Variants in P2RY8 observed in about 807,000 individuals in gnomAD.
P2RY8 encodes the protein S-geranylgeranyl-glutathione receptor P2RY8.
P2RY8 carries 6 observed loss-of-function variants against 10.0 expected under a neutral mutation model. The ratio of observed to expected loss-of-function variants is 0.60; its 90% CI spans 0.33 to 1.19. P2RY8 has a LOEUF of 1.19. Ranked by LOEUF, P2RY8 falls within the 50% of genes most tolerant of loss-of-function variation. The probability of loss-of-function intolerance (pLI) is 0.04; values close to 1 mark genes in which losing one functional copy is unlikely to be tolerated. For missense variants in P2RY8, 456 were observed against 542.0 expected (o/e 0.84, Z 1.58); for synonymous variants, 276 against 252.5 (o/e 1.09, Z -0.88).
At chrX:1,488,439 C>A (rs1233174928) in intron 1 of P2RY8, among the ~76,000 whole-genome samples, 1 of 152,164 alleles carries the variant, frequency 6.6e-6, no homozygotes, top group Non-Finnish European at 1.5e-5. Flanking sequence ...GGGACCAACT[C>A]ACAGATATCT....
intron 1 of P2RY8, among the ~76,000 whole-genome samples, chrX:1,522,196 C>T (rs1206257087): frequency 1.3e-5 from 2 of 151,546 alleles, no homozygotes; most frequent in South Asian, 4.2e-4. Flanking sequence ...CTCAGGTGAT[C>T]CACCCGCCTC....
At chrX:1,507,119 T>C (rs1301341954) in intron 1 of P2RY8, among the ~76,000 whole-genome samples, 1 of 108,050 alleles carries the variant, frequency 9.3e-6, no homozygotes, top group Non-Finnish European at 2.1e-5. Context: ...CAAATCGGAG[T>C]CCTCATGGGC....
intron 1 of P2RY8, among the ~76,000 whole-genome samples, chrX:1,483,422 G>C (rs1441853186): frequency 1.2e-4 from 19 of 152,020 alleles, no homozygotes; most frequent in African/African-American, 4.3e-4. Context: ...ATCACCTGAG[G>C]CTGGGAGTTC....
chrX:1,524,716 T>TCCAC (rs2092425445), intron 1 of P2RY8, among the ~76,000 whole-genome samples: 3 of 80,056 alleles, frequency 3.7e-5, no homozygotes, highest in Admixed American at 2.7e-4. Flanking sequence ...CACTCATCCA[T>TCCAC]TCATCCATCC....
At chrX:1,524,605 C>CCA (rs1569538705) in intron 1 of P2RY8, among the ~76,000 whole-genome samples, 9 of 123,626 alleles carry the variant, frequency 7.3e-5, no homozygotes, top group East Asian at 3.9e-4. Flanking sequence ...ATTCATCCAT[C>CCA]TATCCATCCA....
intron 1 of P2RY8, among the ~76,000 whole-genome samples, chrX:1,505,592 C>T (rs1157560916): frequency 6.6e-6 from 1 of 152,156 alleles, no homozygotes; most frequent in African/African-American, 2.4e-5. Context: ...GAGTTGGAGA[C>T]CAGCCTGGCC....
rs1463262722 is a variant in P2RY8, at chrX:1,509,796, CCT to C, written c.-25+27123_-25+27124del. ...ATCTATCTATCATCTATGTATCCAT[CCT>C]ATCTATCTATCTATCTATCTATCTA... is the stretch of plus-strand genomic sequence containing the variant. On this transcript the variant is annotated intron_variant, in intron 1 of 1. Coordinates refer to ENST00000381297, the MANE Select transcript of P2RY8 (RefSeq NM_178129.5). Among the ~76,000 whole-genome samples, 804 of 104,372 alleles carry C rather than the reference CCT, an allele frequency of 7.7e-3. 9 individuals are homozygous for C. The highest frequency in any genetic ancestry group is 0.012 in the South Asian group (39 of 3,176). The allele number at this position is 104,372 out of a possible 152,430, so 68.5% of individuals were successfully genotyped here.
chrX:1,493,434 G>GGGAAGGAGGA (rs2092083001), intron 1 of P2RY8, among the ~76,000 whole-genome samples: 2 of 17,724 alleles, frequency 1.1e-4, no homozygotes, highest in Admixed American at 1.0e-3. Flanking sequence ...GGAGGAGGGA[G>GGGAAGGAGGA]GGAAGGAGGA....
At chrX:1,493,409 AGGAGG>A (rs2092079773) in intron 1 of P2RY8, among the ~76,000 whole-genome samples, 1 of 7,110 alleles carries the variant, frequency 1.4e-4, no homozygotes, top group Non-Finnish European at 4.7e-4. Context: ...AGGAGGAAGG[AGGAGG>A]AAGGAGGAAG....
rs1361448018 is a variant in P2RY8, at chrX:1,463,967, G to A, written c.*1512C>T. The A allele has an allele frequency of 4.3e-6, 1 of 233,162 alleles. No homozygotes were observed. The highest frequency in any genetic ancestry group is 2.2e-5 in the African/African-American group (1 of 45,348). The allele number at this position is 233,162 out of a possible 1,614,324, so 14.4% of individuals were successfully genotyped here. On this transcript the variant is annotated 3_prime_UTR_variant, in exon 2 of 2. Transcript: ENST00000381297. ...CATCCTGATGTTCCAGGTGGACACG[G>A]GTTTGGGAATGATAATTCATTACTA...
In P2RY8 at chrX:1,493,132, C is replaced by T. The variant is rs371671898; in HGVS notation, c.-24-26550G>A. Among the ~76,000 whole-genome samples the T allele has an allele frequency of 1.5e-4, 22 of 150,496 alleles. 1 individual carries two copies. Among genetic ancestry groups the T allele is most frequent in the African/African-American group, 5.1e-4 (21 of 40,910 alleles). Reference sequence around the variant, plus strand: ...GAGACCCCATCTCTACTAAAAAATACAAAAAATTAGCCGGGCGTTGGGGTG... The same window carrying T: ...GAGACCCCATCTCTACTAAAAAATATAAAAAATTAGCCGGGCGTTGGGGTG... On this transcript the variant is annotated intron_variant, in intron 1 of 1. Coordinates refer to ENST00000381297, the MANE Select transcript of P2RY8 (RefSeq NM_178129.5).
chrX:1,464,554 T>C lies in P2RY8; in HGVS notation c.*925A>G, dbSNP rs1299064138. 3 of 233,276 alleles carry C rather than the reference T, an allele frequency of 1.3e-5. No individual in the cohort carries two copies. Among genetic ancestry groups the C allele is most frequent in the African/African-American group, 6.6e-5 (3 of 45,316 alleles). 14.5% of individuals were successfully genotyped at this position (233,276 alleles called of 1,614,324 possible). ...GGGCAGGAGGTGGGGAACTCCCGAATCAAGCTGCACCCTTGTGTTGGGATG... is the reference window on the plus strand; with the variant it reads ...GGGCAGGAGGTGGGGAACTCCCGAACCAAGCTGCACCCTTGTGTTGGGATG... On this transcript the variant is annotated 3_prime_UTR_variant, in exon 2 of 2. Coordinates refer to ENST00000381297, the MANE Select transcript of P2RY8 (RefSeq NM_178129.5).
chrX:1,499,996 C>T (rs1180414914), intron 1 of P2RY8, among the ~76,000 whole-genome samples: 6 of 102,456 alleles, frequency 5.9e-5, no homozygotes, highest in South Asian at 3.0e-4. Flanking sequence ...GTAGCTGGGA[C>T]TACAGGCGTG....
At chrX:1,517,728 G>A (rs1468293874) in intron 1 of P2RY8, among the ~76,000 whole-genome samples, 1 of 152,128 alleles carries the variant, frequency 6.6e-6, no homozygotes, top group South Asian at 2.1e-4. Context: ...GAAGATTTAA[G>A]GGAAGTTCAA....
At chrX:1,471,970 G>A (rs1375470013) in intron 1 of P2RY8, among the ~76,000 whole-genome samples, 1 of 152,110 alleles carries the variant, frequency 6.6e-6, no homozygotes, top group African/African-American at 2.4e-5. Flanking sequence ...TTCTGGGGGT[G>A]TTTGCACCAC....
At chrX:1,504,170 G>T (rs1479964736) in intron 1 of P2RY8, among the ~76,000 whole-genome samples, 1 of 151,802 alleles carries the variant, frequency 6.6e-6, no homozygotes, top group African/African-American at 2.4e-5. Context: ...ACAAAAATTA[G>T]CTGGGCGTAG....
chrX:1,528,456 A>T (rs2149414329), intron 1 of P2RY8, among the ~76,000 whole-genome samples: 1 of 152,370 alleles, frequency 6.6e-6, no homozygotes, highest in South Asian at 2.1e-4. Flanking sequence ...GCCAGTCAGC[A>T]CCGTGTGAAC....
At chrX:1,532,510 G>T (rs146273195) in intron 1 of P2RY8, among the ~76,000 whole-genome samples, 3,423 of 125,086 alleles carry the variant, frequency 0.027, 230 homozygotes, top group Non-Finnish European at 0.041. Context: ...TATATGTATA[G>T]ATGTATATGA....
At position 1,474,375 on chromosome X, in the gene P2RY8, G is replaced by C. The variant is rs770513427; in HGVS notation, c.-24-7793C>G. On this transcript the variant is annotated intron_variant, in intron 1 of 1. Coordinates refer to ENST00000381297, the MANE Select transcript of P2RY8 (RefSeq NM_178129.5). ...GATGGATGGATGGATGGATGGATAA[G>C]TGGGTGGGTGGATGGATGGATCAGT... Among the ~76,000 whole-genome samples, 3 of 73,266 alleles carry C rather than the reference G, an allele frequency of 4.1e-5. 1 individual carries two copies. The highest frequency in any genetic ancestry group is 7.0e-5 in the Non-Finnish European group (2 of 28,716). The allele number at this position is 73,266 out of a possible 152,430, so 48.1% of individuals were successfully genotyped here.
Sources: allele counts gnomAD v4.1 joint callset (sites outside exome capture counted in the v4.1 genomes callset), GRCh38; gene constraint gnomAD v4.1.1; transcripts MANE v1.5; gene names NCBI Gene and HGNC (gene_info 2026-07-23, HGNC 2026-07-21).